ROBO1: variants seen among roughly 807,000 people sequenced by gnomAD.
ROBO1 encodes the protein roundabout homolog 1.
A neutral mutation model predicts 195.9 loss-of-function variants in ROBO1; 149 were observed. That is an observed-to-expected ratio of 0.76 (90% CI 0.67 to 0.87). The LOEUF (loss-of-function observed/expected upper bound fraction) is 0.87, where lower values mean the gene tolerates loss of function less well. Ranked by LOEUF, ROBO1 falls within the 40% of genes least tolerant of loss-of-function variation. The pLI, the probability that ROBO1 is intolerant of heterozygous loss-of-function variation, is 0.00. For synonymous variants in ROBO1, 816 were observed against 733.2 expected (o/e 1.11, Z -1.82); for missense variants, 1,933 against 2,068.3 (o/e 0.93, Z 1.27).
chr3:79,164,018 T>G (rs2081019429), intron 2 of ROBO1, among the ~76,000 whole-genome samples: 1 of 152,078 alleles, frequency 6.6e-6, no homozygotes, highest in Non-Finnish European at 1.5e-5. Flanking sequence ...AAATAATCCT[T>G]GGAAGACACT....
intron 2 of ROBO1, among the ~76,000 whole-genome samples, chr3:79,284,412 C>A (rs2031750691): frequency 6.6e-6 from 1 of 152,050 alleles, no homozygotes; most frequent in East Asian, 1.9e-4. Context: ...CAGCAAACCA[C>A]CATGGCACAT....
intron 3 of ROBO1, among the ~76,000 whole-genome samples, chr3:79,115,355 C>T (rs754163845): frequency 4.6e-4 from 70 of 152,026 alleles, no homozygotes; most frequent in Non-Finnish European, 9.1e-4. Flanking sequence ...GTAAGAGATA[C>T]GAGATGGATC....
At chr3:79,080,454 C>T (rs903687670) in intron 3 of ROBO1, among the ~76,000 whole-genome samples, 4 of 151,738 alleles carry the variant, frequency 2.6e-5, no homozygotes, top group Non-Finnish European at 4.4e-5. Flanking sequence ...GATAAAATGA[C>T]ATTAGATTCT....
chr3:79,544,829 C>CT (rs532016649), intron 2 of ROBO1, among the ~76,000 whole-genome samples: 101 of 152,064 alleles, frequency 6.6e-4, no homozygotes, highest in Admixed American at 1.9e-3. Context: ...GAATCATGGC[C>CT]TAATTTATTA....
intron 1 of ROBO1, among the ~76,000 whole-genome samples, chr3:79,731,680 T>C (rs1018316631): frequency 2.0e-5 from 3 of 152,206 alleles, no homozygotes; most frequent in African/African-American, 7.2e-5. Context: ...ATTGATGGTA[T>C]GCAAATATTC....
chr3:79,247,930 G>T (rs2082653799), intron 2 of ROBO1, among the ~76,000 whole-genome samples: 1 of 152,142 alleles, frequency 6.6e-6, no homozygotes, highest in Non-Finnish European at 1.5e-5. Context: ...ATTTGGGAAT[G>T]TGTTTCCCTG....
chr3:78,822,807 A>G (rs2031143735), intron 4 of ROBO1, among the ~76,000 whole-genome samples: 1 of 152,242 alleles, frequency 6.6e-6, no homozygotes. Context: ...ATTGAAAATT[A>G]ACATTTACAA....
intron 2 of ROBO1, among the ~76,000 whole-genome samples, chr3:79,160,191 C>T (rs1170280789): frequency 6.6e-6 from 1 of 151,384 alleles, no homozygotes; most frequent in South Asian, 2.1e-4. Flanking sequence ...ATTTCTCAAG[C>T]GTTGATGTTC....
chr3:79,684,843 T>C (rs1411104382), intron 1 of ROBO1, among the ~76,000 whole-genome samples: 1 of 151,944 alleles, frequency 6.6e-6, no homozygotes, highest in African/African-American at 2.4e-5. Context: ...ACCAGGTTAA[T>C]TTTTTGTATT....
intron 2 of ROBO1, among the ~76,000 whole-genome samples, chr3:79,488,080 A>C (rs1436010061): frequency 6.6e-6 from 1 of 152,168 alleles, no homozygotes; most frequent in Non-Finnish European, 1.5e-5. Flanking sequence ...GCTGTTCCTG[A>C]ATTAAAAAAA....
chr3:78,777,763 A>G (rs543040871), intron 4 of ROBO1, among the ~76,000 whole-genome samples: 1 of 152,322 alleles, frequency 6.6e-6, no homozygotes, highest in Admixed American at 6.5e-5. Flanking sequence ...ATAAATATAC[A>G]ATCATGCCAT....
chr3:79,455,208 A>C (rs77642538), intron 2 of ROBO1, among the ~76,000 whole-genome samples: 1,689 of 152,056 alleles, frequency 0.011, 32 homozygotes, highest in African/African-American at 0.039. Flanking sequence ...GACACATTAG[A>C]ACACAAAAAG....
intron 3 of ROBO1, among the ~76,000 whole-genome samples, chr3:78,977,284 C>A (rs960168339): frequency 3.3e-5 from 5 of 152,030 alleles, no homozygotes; most frequent in African/African-American, 1.2e-4. Context: ...TTCCCACATG[C>A]TTTGCTTTTT....
At chr3:79,577,743 C>G (rs1943536758) in intron 2 of ROBO1, among the ~76,000 whole-genome samples, 2 of 131,996 alleles carry the variant, frequency 1.5e-5, no homozygotes, top group Non-Finnish European at 3.3e-5. Flanking sequence ...CACACACACA[C>G]ACACACACAC....
At chr3:78,876,915 A>C (rs952299881) in intron 4 of ROBO1, among the ~76,000 whole-genome samples, 3 of 152,122 alleles carry the variant, frequency 2.0e-5, no homozygotes, top group Non-Finnish European at 4.4e-5. Flanking sequence ...CCTTTATTCA[A>C]AGTGTAATAA....
chr3:79,759,690 G>C (rs1256750250), intron 1 of ROBO1, among the ~76,000 whole-genome samples: 1 of 152,168 alleles, frequency 6.6e-6, no homozygotes, highest in Non-Finnish European at 1.5e-5. Context: ...GATTTTGTTT[G>C]AAGTCTTAAT....
At chr3:79,689,247 A>T (rs114940696) in intron 1 of ROBO1, among the ~76,000 whole-genome samples, 3,100 of 152,130 alleles carry the variant, frequency 0.02, 113 homozygotes, top group African/African-American at 0.071. Flanking sequence ...AAAATTAACA[A>T]ATGTTCCTGA....
chr3:78,858,227 C>G (rs1040851389), intron 4 of ROBO1, among the ~76,000 whole-genome samples: 1 of 151,910 alleles, frequency 6.6e-6, no homozygotes, highest in Non-Finnish European at 1.5e-5. Flanking sequence ...TTACAGGACA[C>G]ACCACAGGAA....
At chr3:79,030,920 C>A (rs2078284123) in intron 3 of ROBO1, among the ~76,000 whole-genome samples, 1 of 152,108 alleles carries the variant, frequency 6.6e-6, no homozygotes, top group Non-Finnish European at 1.5e-5. Flanking sequence ...CGGGGTTTCT[C>A]CATGTTGGCC....
Sources: gnomAD v4.1 joint callset for allele counts (sites outside exome capture counted in the v4.1 genomes callset) on GRCh38, gnomAD v4.1.1 for gene constraint, MANE v1.5 for transcripts, NCBI Gene and HGNC (gene_info 2026-07-23, HGNC 2026-07-21) for gene names.